ATXN7: variants seen among roughly 807,000 people sequenced by gnomAD.
The protein encoded by ATXN7 is ataxin-7.
Under a neutral mutation model 70.5 loss-of-function variants are expected in ATXN7, and 12 were observed. That is an observed-to-expected ratio of 0.17 (90% CI 0.11 to 0.28). The LOEUF is 0.28. ATXN7 is among the 10% of genes least tolerant of loss of function. ATXN7 has a pLI of 1.00. For synonymous variants in ATXN7, 498 were observed against 448.7 expected, an observed-to-expected ratio of 1.11 and a Z score of -1.39; for missense variants, 1,256 against 1,131.7, an observed-to-expected ratio of 1.11 and a Z score of -1.58.
At position 63,895,276 on chromosome 3, in the gene ATXN7, C is replaced by T. The variant is rs140846888; in HGVS notation, c.-110-3123C>T. On this transcript the variant is annotated intron_variant, in intron 1 of 12. Coordinates refer to ENST00000674280, the MANE Select transcript of ATXN7 (RefSeq NM_001377405.1). ...TTATGCCTTAAATTGCAACAAAGTT[C>T]TGAATCTTAACAGAACACAGAAATG... Among the ~76,000 whole-genome samples, 301 of 152,230 alleles carry T rather than the reference C, an allele frequency of 2.0e-3. 1 individual carries two copies. The highest frequency in any genetic ancestry group is 6.9e-3 in the African/African-American group (287 of 41,552).
intron 1 of ATXN7, among the ~76,000 whole-genome samples, chr3:63,872,554 G>T (rs916862390): frequency 6.6e-6 from 1 of 152,164 alleles, no homozygotes; most frequent in Non-Finnish European, 1.5e-5. Flanking sequence ...TTAAGCTTAA[G>T]AGTCACACAG....
intron 5 of ATXN7, among the ~76,000 whole-genome samples, chr3:63,959,525 A>G (rs2075090293): frequency 1.3e-5 from 2 of 152,306 alleles, no homozygotes; most frequent in Admixed American, 6.5e-5. Flanking sequence ...TTCACTTGTC[A>G]TTTATTGTTA....
chr3:63,879,487 G>GT (rs200065951), intron 1 of ATXN7, among the ~76,000 whole-genome samples: 2,076 of 135,356 alleles, frequency 0.015, 25 homozygotes, highest in African/African-American at 0.029. Context: ...TATCTCTTCA[G>GT]TTTTTTTTTT....
chr3:63,912,967 C>A (rs749666427), intron 3 of ATXN7, 44 bp downstream of exon 3: 171 of 1,427,886 alleles, frequency 1.2e-4, no homozygotes, highest in Non-Finnish European at 1.6e-4. Context: ...CCTCGCGACC[C>A]CCTCCTCTCT....
At position 63,996,104 on chromosome 3, in the gene ATXN7, T is replaced by G. The variant is rs754591981; in HGVS notation, c.2282T>G (p.Val761Gly). 1 of 1,614,158 alleles carries G rather than the reference T, an allele frequency of 6.2e-7. No homozygotes were observed. The highest frequency in any genetic ancestry group is 8.5e-7 in the Non-Finnish European group (1 of 1,180,026). Reference protein sequence around the residue: ...TSSHSIGLNCVTNKANAVNVR... With the variant: ...TSSHSIGLNCGTNKANAVNVR... ...TCCCATAGCATCGGCCTCAACTGTGTGACGAATAAAGCAAATGCGGTGAAC... is the reference window on the plus strand; with the variant it reads ...TCCCATAGCATCGGCCTCAACTGTGGGACGAATAAAGCAAATGCGGTGAAC... Residue 761 changes from valine (V) to glycine (G), a missense_variant, in exon 12 of 13, where the codon GTG (valine) becomes GGG (glycine). Transcript: ENST00000674280.
intron 2 of ATXN7, among the ~76,000 whole-genome samples, chr3:63,908,041 T>G (rs2107284514): frequency 6.6e-6 from 1 of 152,338 alleles, no homozygotes; most frequent in South Asian, 2.1e-4. Flanking sequence ...TCCAAAAATT[T>G]AAGGGTTTGA....
intron 4 of ATXN7, among the ~76,000 whole-genome samples, chr3:63,920,623 G>T (rs1364380002): frequency 6.6e-6 from 1 of 151,932 alleles, no homozygotes; most frequent in Non-Finnish European, 1.5e-5. Flanking sequence ...GCCTTTTCTT[G>T]CTGTGCCTTA....
chr3:63,879,441 G>A (rs548921903), intron 1 of ATXN7, among the ~76,000 whole-genome samples: 4 of 150,896 alleles, frequency 2.7e-5, no homozygotes, highest in East Asian at 2.0e-4. Context: ...TAAGGTTAAG[G>A]TGCAAAAGGA....
chr3:63,973,822 C>G (rs2075352458), intron 5 of ATXN7, among the ~76,000 whole-genome samples: 1 of 151,844 alleles, frequency 6.6e-6, no homozygotes, highest in African/African-American at 2.4e-5. Context: ...CCTTTATGGA[C>G]TCAGAATGGG....
At chr3:63,919,048 C>T (rs1421749576) in intron 4 of ATXN7, among the ~76,000 whole-genome samples, 1 of 152,078 alleles carries the variant, frequency 6.6e-6, no homozygotes, top group Non-Finnish European at 1.5e-5. Context: ...AAAGACCCTC[C>T]TGTAGCAGGG....
rs1015345261 is a variant in ATXN7, at chr3:64,000,526, C to A, written c.*1059C>A. The A allele has an allele frequency of 6.6e-5, 10 of 152,504 alleles. No individual in the cohort carries two copies. The highest frequency in any genetic ancestry group is 2.4e-4 in the African/African-American group (10 of 41,424). 9.4% of individuals were successfully genotyped at this position (152,504 alleles called of 1,614,324 possible). ...CCTTGTTTTTCTCTTTGGATACTGT[C>A]CTGGGACTAAGTGTAGATTTCTGCT... On this transcript the variant is annotated 3_prime_UTR_variant, in exon 13 of 13. Transcript: ENST00000674280.
intron 1 of ATXN7, among the ~76,000 whole-genome samples, chr3:63,893,988 A>G (rs1703365797): frequency 6.6e-6 from 1 of 152,178 alleles, no homozygotes. Flanking sequence ...ACTGCAGTTT[A>G]TATATAACTT....
chr3:63,968,182 G>C (rs1485152689), intron 5 of ATXN7, among the ~76,000 whole-genome samples: 2 of 152,146 alleles, frequency 1.3e-5, no homozygotes, highest in East Asian at 3.9e-4. Context: ...AGTGGAGGGA[G>C]GGAGCCTGCA....
At chr3:63,981,590 GA>G (rs904962835) in intron 6 of ATXN7, among the ~76,000 whole-genome samples, 2 of 152,304 alleles carry the variant, frequency 1.3e-5, no homozygotes, top group African/African-American at 4.8e-5. Context: ...TCCTGTCATA[GA>G]AACATTTTTC....
intron 4 of ATXN7, among the ~76,000 whole-genome samples, chr3:63,941,857 T>C (rs1254140689): frequency 1.3e-5 from 2 of 152,214 alleles, no homozygotes; most frequent in Non-Finnish European, 2.9e-5. Context: ...TACTTGAGAC[T>C]AAAGCTCACT....
chr3:63,870,695 C>T (rs1180324681), intron 1 of ATXN7, among the ~76,000 whole-genome samples: 1 of 152,080 alleles, frequency 6.6e-6, no homozygotes, highest in Non-Finnish European at 1.5e-5. Flanking sequence ...CTGTCTTTTG[C>T]TTAATGTTCC....
intron 5 of ATXN7, chr3:63,967,945 C>G (rs2075254051): frequency 1.1e-5 from 17 of 1,535,900 alleles, no homozygotes; most frequent in Non-Finnish European, 1.4e-5. Flanking sequence ...CCAAAGCAGC[C>G]CTTCTGCGCA....
chr3:63,917,020 A>G (rs946161307), intron 4 of ATXN7, among the ~76,000 whole-genome samples: 2 of 152,124 alleles, frequency 1.3e-5, no homozygotes, highest in African/African-American at 4.8e-5. Context: ...CCTGGGTTCA[A>G]GCGATTCTCC....
At position 63,989,749 on chromosome 3, in the gene ATXN7, C is replaced by T. The variant is rs188482307; in HGVS notation, c.1362-427C>T. ...TTGTGGATTTGCAGATTTTGCTATC[C>T]CCAGGAGGTCCTGGCCTCAATTCCC... On this transcript the variant is annotated intron_variant, in intron 9 of 12. Transcript: ENST00000674280. Among the ~76,000 whole-genome samples, 12 of 152,216 alleles carry T rather than the reference C, an allele frequency of 7.9e-5. No homozygotes were observed. In the East Asian group the frequency reaches 2.3e-3, roughly 29 times the overall value.
Sources: gnomAD v4.1 joint callset for allele counts (sites outside exome capture counted in the v4.1 genomes callset) on GRCh38, gnomAD v4.1.1 for gene constraint, MANE v1.5 for transcripts, NCBI Gene and HGNC (gene_info 2026-07-23, HGNC 2026-07-21) for gene names.